The following POGLUT1 variants were observed in gnomAD, a reference collection of about 807,000 sequenced individuals.
The protein encoded by POGLUT1 is 9630046K23Rik.
POGLUT1 carries 32 observed loss-of-function variants against 61.3 expected under a neutral mutation model. The ratio of observed to expected loss-of-function variants is 0.52; its 90% CI spans 0.39 to 0.70. The LOEUF (loss-of-function observed/expected upper bound fraction) is 0.70, where lower values mean the gene tolerates loss of function less well. Among genes scored for constraint, POGLUT1 ranks in the 30% least tolerant of loss-of-function variants. POGLUT1 has a pLI of 0.00. For missense variants in POGLUT1, 411 were observed against 469.8 expected, an observed-to-expected ratio of 0.87 and a Z score of 1.16; for synonymous variants, 158 against 158.2, an observed-to-expected ratio of 1.00 and a Z score of 0.01.
At chr3:119,470,047 T>C (rs1245339457) in intron 2 of POGLUT1, 137 bp downstream of exon 2, 2 of 641,182 alleles carry the variant, frequency 3.1e-6, no homozygotes, top group African/African-American at 3.7e-5. Flanking sequence ...AAAAATGCTC[T>C]CGCATGGGAA....
At chr3:119,475,570 T>G (rs573935998) in intron 3 of POGLUT1, among the ~76,000 whole-genome samples, 33 of 152,326 alleles carry the variant, frequency 2.2e-4, no homozygotes, top group African/African-American at 6.7e-4. Context: ...CCCAGCACTT[T>G]GGATGGCTGA....
chr3:119,489,053 G>A (rs1013120492), intron 8 of POGLUT1, 66 bp downstream of exon 8: 1 of 889,582 alleles, frequency 1.1e-6, no homozygotes, highest in Non-Finnish European at 1.8e-6. Flanking sequence ...TTCACTTTGG[G>A]TGAGAACTTT....
At chr3:119,480,600 G>A (rs1259298980) in intron 5 of POGLUT1, among the ~76,000 whole-genome samples, 1 of 152,090 alleles carries the variant, frequency 6.6e-6, no homozygotes, top group Admixed American at 6.6e-5. Flanking sequence ...ACAGAAAACT[G>A]TAGTGTAAAC....
At chr3:119,487,352 C>T (rs1008250832) in intron 7 of POGLUT1, among the ~76,000 whole-genome samples, 2 of 152,016 alleles carry the variant, frequency 1.3e-5, no homozygotes, top group Admixed American at 6.6e-5. Context: ...CTTTGGGAGG[C>T]GAGGCGGGTG....
chr3:119,469,974 T>G (rs1026625044), intron 2 of POGLUT1, 64 bp downstream of exon 2: 1 of 968,104 alleles, frequency 1.0e-6, no homozygotes, highest in African/African-American at 1.6e-5. Flanking sequence ...TATTCTAACA[T>G]CCTTGAGAGA....
At position 119,484,775 on chromosome 3, in the gene POGLUT1, T is replaced by A. The variant is rs144694313; in HGVS notation, c.579-553T>A. Among the ~76,000 whole-genome samples the A allele has an allele frequency of 2.5e-3, 376 of 152,346 alleles. 1 individual carries two copies. Among genetic ancestry groups the A allele is most frequent in the African/African-American group, 7.6e-3 (316 of 41,578 alleles). Reference sequence around the variant, plus strand: ...ATGACCTTCAGGGTTTGGGGGCTTTTCTTTCAATGTTGTTAACTTGTTAAT... The same window carrying A: ...ATGACCTTCAGGGTTTGGGGGCTTTACTTTCAATGTTGTTAACTTGTTAAT... On this transcript the variant is annotated intron_variant, in intron 5 of 10. Transcript: ENST00000295588.
At chr3:119,471,473 T>C in intron 3 of POGLUT1, 21 bp downstream of exon 3, 1 of 1,611,308 alleles carries the variant, frequency 6.2e-7, no homozygotes, top group South Asian at 1.1e-5. Context: ...ACGAGGTAGA[T>C]ATATCTTCTG....
chr3:119,469,587 A>G (rs921215215), intron 1 of POGLUT1, among the ~76,000 whole-genome samples: 1 of 152,194 alleles, frequency 6.6e-6, no homozygotes, highest in Non-Finnish European at 1.5e-5. Context: ...GTTGAGCATT[A>G]AGCTTGGGAA....
At chr3:119,474,796 G>A (rs902191420) in intron 3 of POGLUT1, among the ~76,000 whole-genome samples, 1 of 152,046 alleles carries the variant, frequency 6.6e-6, no homozygotes, top group Non-Finnish European at 1.5e-5. Flanking sequence ...CTAAGACCAC[G>A]CCATTACACT....
In POGLUT1 at chr3:119,469,058, C is replaced by G; in HGVS notation, c.37C>G (p.Leu13Val). 6.2e-7 allele frequency: 1 copy of G among 1,609,584 alleles called. No homozygotes were observed. The highest frequency in any genetic ancestry group is 8.5e-7 in the Non-Finnish European group (1 of 1,179,078). The change falls in exon 1 of 11, where the codon CTG (leucine) becomes GTG (valine). Residue 13 changes from leucine to valine, a missense_variant. Coordinates refer to ENST00000295588, the MANE Select transcript of POGLUT1 (RefSeq NM_152305.3). The stretch of plus-strand genomic sequence containing the variant: ...GGCTAGCTCGCCGCTTCGGCTCTGG[C>G]TGCTGTTGTTCCTCCTGCCCTCAGC... Reference protein sequence around the residue: ...WWASSPLRLWLLLFLLPSAQG... With the variant: ...WWASSPLRLWVLLFLLPSAQG...
intron 8 of POGLUT1, 112 bp downstream of exon 8, chr3:119,489,099 A>G: frequency 6.9e-6 from 4 of 575,986 alleles, no homozygotes; most frequent in Non-Finnish European, 9.5e-6. Context: ...TGAAAGTTGC[A>G]TTAATTCATT....
intron 5 of POGLUT1, among the ~76,000 whole-genome samples, chr3:119,484,671 C>T (rs1393666538): frequency 6.6e-6 from 1 of 152,144 alleles, no homozygotes; most frequent in Non-Finnish European, 1.5e-5. Flanking sequence ...GTTCTGTACA[C>T]ATAATTAATT....
chr3:119,476,233 C>A (rs1429452683), intron 3 of POGLUT1, among the ~76,000 whole-genome samples: 1 of 152,186 alleles, frequency 6.6e-6, no homozygotes, highest in African/African-American at 2.4e-5. Flanking sequence ...AGGCTAAACA[C>A]TTCCACAACC....
At chr3:119,480,232 A>T in intron 5 of POGLUT1, 60 bp downstream of exon 5, 1 of 1,315,998 alleles carries the variant, frequency 7.6e-7, no homozygotes, top group Non-Finnish European at 1.0e-6. Flanking sequence ...AATAAGCCAT[A>T]GAATATAACC....
At chr3:119,471,748 C>G (rs1249222326) in intron 3 of POGLUT1, 2 of 371,772 alleles carry the variant, frequency 5.4e-6, no homozygotes, top group Non-Finnish European at 1.0e-5. Context: ...TGAGGCCTAG[C>G]AGGCCTAGCA....
intron 3 of POGLUT1, 101 bp from the exon 4 acceptor site, chr3:119,477,212 G>C: frequency 8.7e-7 from 1 of 1,149,072 alleles, no homozygotes. Context: ...TGGAACACTG[G>C]AACACTGGCT....
chr3:119,486,974 T>A (rs1247078362), intron 7 of POGLUT1, 42 bp downstream of exon 7: 1 of 1,281,588 alleles, frequency 7.8e-7, no homozygotes, highest in East Asian at 2.3e-5. Flanking sequence ...CAGTGAACAT[T>A]CTCACTCAAA....
At chr3:119,481,734 G>A (rs1360670709) in intron 5 of POGLUT1, among the ~76,000 whole-genome samples, 1 of 152,184 alleles carries the variant, frequency 6.6e-6, no homozygotes, top group African/African-American at 2.4e-5. Flanking sequence ...GGTACAGAAA[G>A]GTTTAGTGAT....
chr3:119,484,911 A>T (rs1305780671), intron 5 of POGLUT1, among the ~76,000 whole-genome samples: 1 of 152,200 alleles, frequency 6.6e-6, no homozygotes, highest in East Asian at 1.9e-4. Context: ...CTTTGATTAG[A>T]CTTACTTAGA....
Sources: allele counts gnomAD v4.1 joint callset (sites outside exome capture counted in the v4.1 genomes callset), GRCh38; gene constraint gnomAD v4.1.1; transcripts MANE v1.5; gene names NCBI Gene and HGNC (gene_info 2026-07-23, HGNC 2026-07-21).